TMEM132C: variants seen among roughly 807,000 people sequenced by gnomAD.
TMEM132C encodes the protein transmembrane protein 132C.
A neutral mutation model predicts 61.4 loss-of-function variants in TMEM132C; 29 were observed. That is an observed-to-expected ratio of 0.47 (90% CI 0.35 to 0.64). The LOEUF is 0.64. Among genes scored for constraint, TMEM132C ranks in the 30% least tolerant of loss-of-function variants. TMEM132C has a pLI of 0.00. For synonymous variants in TMEM132C, 656 were observed against 633.1 expected, an observed-to-expected ratio of 1.04 and a Z score of -0.54; for missense variants, 1,408 against 1,476.9, an observed-to-expected ratio of 0.95 and a Z score of 0.76.
chr12:128,604,446 T>TAGATAGATAGAG (rs1565988500), intron 3 of TMEM132C, among the ~76,000 whole-genome samples: 1 of 149,540 alleles, frequency 6.7e-6, no homozygotes, highest in African/African-American at 2.5e-5. Context: ...GATAGATAGA[T>TAGATAGATAGAG]AGATAATAGA....
At chr12:128,703,801 G>A (rs1281649842) in intron 8 of TMEM132C, among the ~76,000 whole-genome samples, 2 of 152,250 alleles carry the variant, frequency 1.3e-5, no homozygotes, top group Non-Finnish European at 2.9e-5. Flanking sequence ...CTTTGTGGAA[G>A]AGGAGAAAAT....
At chr12:128,353,421 G>C (rs1272091646) in intron 1 of TMEM132C, among the ~76,000 whole-genome samples, 1 of 152,126 alleles carries the variant, frequency 6.6e-6, no homozygotes, top group East Asian at 1.9e-4. Flanking sequence ...GGGAGTCTGC[G>C]ACTCCTTCAA....
chr12:128,644,375 G>A (rs909400240), intron 4 of TMEM132C, among the ~76,000 whole-genome samples: 1 of 152,196 alleles, frequency 6.6e-6, no homozygotes, highest in Admixed American at 6.5e-5. Context: ...AAACAAATTT[G>A]TGGGTAGCCA....
chr12:128,309,450 T>C (rs879298927), intron 1 of TMEM132C, among the ~76,000 whole-genome samples: 10 of 152,198 alleles, frequency 6.6e-5, no homozygotes, highest in Non-Finnish European at 1.3e-4. Context: ...GCATTCACAA[T>C]GGTGTGCAAC....
At chr12:128,680,948 T>C (rs1408754097) in intron 5 of TMEM132C, among the ~76,000 whole-genome samples, 2 of 152,190 alleles carry the variant, frequency 1.3e-5, no homozygotes, top group African/African-American at 4.8e-5. Flanking sequence ...GAAAAGTTTC[T>C]GGTCAGGTTC....
intron 4 of TMEM132C, among the ~76,000 whole-genome samples, chr12:128,663,968 A>G (rs1954426013): frequency 7.7e-6 from 1 of 129,974 alleles, no homozygotes; most frequent in Admixed American, 8.1e-5. Flanking sequence ...ATACAGGCAC[A>G]TGCACCCACA....
chr12:128,510,978 G>C (rs931484162), intron 2 of TMEM132C, among the ~76,000 whole-genome samples: 11 of 152,334 alleles, frequency 7.2e-5, no homozygotes, highest in Middle Eastern at 3.4e-3. Context: ...ATTTCTCCTG[G>C]CTGATAGCTG....
At chr12:128,573,317 C>G (rs1008827363) in intron 3 of TMEM132C, among the ~76,000 whole-genome samples, 1 of 152,026 alleles carries the variant, frequency 6.6e-6, no homozygotes, top group Non-Finnish European at 1.5e-5. Context: ...ATGGATGAAG[C>G]TGGAAACCAT....
chr12:128,420,767 G>T (rs1384259591), intron 2 of TMEM132C, among the ~76,000 whole-genome samples: 3 of 152,186 alleles, frequency 2.0e-5, no homozygotes, highest in Non-Finnish European at 4.4e-5. Context: ...GGATGTTGGG[G>T]ATGAAGGACA....
intron 2 of TMEM132C, among the ~76,000 whole-genome samples, chr12:128,429,135 G>T (rs771868849): frequency 2.0e-5 from 3 of 152,074 alleles, no homozygotes; most frequent in Non-Finnish European, 4.4e-5. Context: ...TTCAACAGGG[G>T]AAGAGTTTTA....
chr12:128,628,023 G>C (rs1408684425), intron 4 of TMEM132C, among the ~76,000 whole-genome samples: 1 of 152,104 alleles, frequency 6.6e-6, no homozygotes, highest in Admixed American at 6.5e-5. Context: ...GTCTCCCCAG[G>C]CCTGCCGCAC....
At chr12:128,327,065 T>A (rs1316314588) in intron 1 of TMEM132C, among the ~76,000 whole-genome samples, 1 of 150,062 alleles carries the variant, frequency 6.7e-6, no homozygotes, top group Non-Finnish European at 1.5e-5. Context: ...GTGGAGTCAG[T>A]GTCATATCAC....
chr12:128,296,013 C>A (rs559923686), intron 1 of TMEM132C, among the ~76,000 whole-genome samples: 1 of 152,148 alleles, frequency 6.6e-6, no homozygotes, highest in Non-Finnish European at 1.5e-5. Context: ...TTCTCTGTAC[C>A]TCCCCTTGCC....
At chr12:128,506,575 G>A (rs1166791572) in intron 2 of TMEM132C, among the ~76,000 whole-genome samples, 1 of 152,110 alleles carries the variant, frequency 6.6e-6, no homozygotes, top group African/African-American at 2.4e-5. Flanking sequence ...TTAAATTGGG[G>A]TAACATTACC....
At chr12:128,400,591 A>C (rs113293400) in intron 1 of TMEM132C, among the ~76,000 whole-genome samples, 1 of 91,174 alleles carries the variant, frequency 1.1e-5, no homozygotes, top group Non-Finnish European at 2.0e-5. Context: ...CCCCAACCCC[A>C]TTCTTTTGTT....
At chr12:128,426,717 A>G (rs1055264291) in intron 2 of TMEM132C, among the ~76,000 whole-genome samples, 1 of 152,124 alleles carries the variant, frequency 6.6e-6, no homozygotes, top group Non-Finnish European at 1.5e-5. Context: ...GCAGCTCCCC[A>G]TAACACATCT....
At chr12:128,457,279 C>T (rs1870377237) in intron 2 of TMEM132C, among the ~76,000 whole-genome samples, 1 of 144,868 alleles carries the variant, frequency 6.9e-6, no homozygotes, top group South Asian at 2.2e-4. Context: ...AGCATTCTGT[C>T]ATCAAAATTT....
chr12:128,381,455 G>A (rs969285275), intron 1 of TMEM132C, among the ~76,000 whole-genome samples: 2 of 152,158 alleles, frequency 1.3e-5, no homozygotes, highest in Non-Finnish European at 2.9e-5. Context: ...AGGGAGAAGC[G>A]GCTTTCTAGA....
chr12:128,347,691 G>T (rs1349923539), intron 1 of TMEM132C, among the ~76,000 whole-genome samples: 6 of 152,204 alleles, frequency 3.9e-5, no homozygotes, highest in Admixed American at 3.9e-4. Context: ...GTCTCCAAAA[G>T]TGCTGGGATT....
Sources: allele counts gnomAD v4.1 joint callset (sites outside exome capture counted in the v4.1 genomes callset), GRCh38; gene constraint gnomAD v4.1.1; transcripts MANE v1.5; gene names NCBI Gene and HGNC (gene_info 2026-07-23, HGNC 2026-07-21).